FAM3C: variants seen among roughly 807,000 people sequenced by gnomAD.
FAM3C encodes FAM3 metabolism regulating signaling molecule C, also known as protein FAM3C.
A neutral mutation model predicts 32.5 loss-of-function variants in FAM3C; 15 were observed. The observed-to-expected ratio is 0.46, with a 90% CI of 0.31 to 0.71. The LOEUF (loss-of-function observed/expected upper bound fraction) is 0.71. Ranked by LOEUF, FAM3C falls within the 30% of genes least tolerant of loss-of-function variation. FAM3C has a pLI of 0.05. For missense variants in FAM3C, 175 were observed against 274.4 expected, an observed-to-expected ratio of 0.64 and a Z score of 2.56; for synonymous variants, 75 against 86.1, an observed-to-expected ratio of 0.87 and a Z score of 0.72.
chr7:121,350,610 G>T, intron 9 of FAM3C, 60 bp from the exon 10 acceptor site: 1 of 1,544,188 alleles, frequency 6.5e-7, no homozygotes, highest in South Asian at 1.1e-5. Flanking sequence ...CTGATTTGCC[G>T]TAACATTTTA....
intron 2 of FAM3C, among the ~76,000 whole-genome samples, chr7:121,379,287 T>C (rs1390976483): frequency 6.6e-6 from 1 of 152,090 alleles, no homozygotes; most frequent in Non-Finnish European, 1.5e-5. Flanking sequence ...TACCTATTAG[T>C]TGCTGACAAC....
At chr7:121,382,322 A>C (rs1340664871) in intron 2 of FAM3C, among the ~76,000 whole-genome samples, 5 of 152,184 alleles carry the variant, frequency 3.3e-5, no homozygotes, top group Admixed American at 3.3e-4. Flanking sequence ...AAGTTCTTAC[A>C]CATAAACTCA....
chr7:121,353,065 A>C (rs191005948), intron 8 of FAM3C, among the ~76,000 whole-genome samples: 1 of 152,168 alleles, frequency 6.6e-6, no homozygotes, highest in African/African-American at 2.4e-5. Context: ...AAAAATTATG[A>C]ATTGATACCT....
At position 121,393,199 on chromosome 7, in the gene FAM3C, T is replaced by C. The variant is rs1480176150; in HGVS notation, c.-42+2963A>G. ...CTGGCTAGGCATAGGGGCTCATGTC[T>C]GTAATCCCAGAGCTTTGGGAGGCTG... is the stretch of plus-strand genomic sequence containing the variant. On this transcript the variant is annotated intron_variant, in intron 1 of 9. Transcript: ENST00000359943. 9.8e-5 allele frequency among the ~76,000 whole-genome samples: 15 copies of C among 152,308 alleles called. No individual in the cohort carries two copies. In the East Asian group the frequency reaches 2.9e-3, roughly 29 times the overall value.
At position 121,380,604 on chromosome 7, in the gene FAM3C, C is replaced by T. The variant is rs189747722; in HGVS notation, c.14-1590G>A. On this transcript the variant is annotated intron_variant, in intron 2 of 9. Transcript: ENST00000359943. ...AAAAAACTACCTATCAGGTACTATG[C>T]TTACTACCTGGATGATGAAATAATC... Among the ~76,000 whole-genome samples, 1,072 of 151,992 alleles carry T rather than the reference C, an allele frequency of 7.1e-3. 5 individuals carry two copies. Among genetic ancestry groups the T allele is most frequent in the South Asian group, 0.025 (119 of 4,802 alleles).
chr7:121,382,657 T>C (rs1794381783), intron 2 of FAM3C, among the ~76,000 whole-genome samples: 1 of 151,874 alleles, frequency 6.6e-6, no homozygotes, highest in South Asian at 2.1e-4. Context: ...GCATTTCCTT[T>C]GAGCATCATG....
At chr7:121,364,379 T>C in intron 5 of FAM3C, 191 bp from the exon 6 acceptor site, 1 of 485,566 alleles carries the variant, frequency 2.1e-6, no homozygotes, top group Non-Finnish European at 3.6e-6. Flanking sequence ...TAAAGCAATG[T>C]CCTTAAATAA....
intron 1 of FAM3C, among the ~76,000 whole-genome samples, chr7:121,391,709 T>A (rs1247873764): frequency 6.6e-6 from 1 of 152,190 alleles, no homozygotes; most frequent in African/African-American, 2.4e-5. Flanking sequence ...AATGGTTCCA[T>A]CGCCCAAGGG....
At chr7:121,383,062 C>A in intron 1 of FAM3C, 52 bp from the exon 2 acceptor site, 1 of 960,246 alleles carries the variant, frequency 1.0e-6, no homozygotes, top group South Asian at 1.5e-5. Context: ...GCAAACATTC[C>A]TCCTTAGATT....
At chr7:121,393,548 T>A (rs1242243700) in intron 1 of FAM3C, among the ~76,000 whole-genome samples, 1 of 152,092 alleles carries the variant, frequency 6.6e-6, no homozygotes, top group Non-Finnish European at 1.5e-5. Context: ...ATAGCGGATT[T>A]TCAAAATTAG....
intron 1 of FAM3C, among the ~76,000 whole-genome samples, chr7:121,384,412 G>T (rs1019531000): frequency 1.3e-5 from 2 of 152,142 alleles, no homozygotes; most frequent in African/African-American, 2.4e-5. Flanking sequence ...ATCCTCTGTT[G>T]GCTTCTGGCA....
chr7:121,362,925 G>A lies in FAM3C; in HGVS notation c.354C>T (p.Asp118=), dbSNP rs766863126. The change falls in exon 7 of 10, where the codon GAC becomes GAT. Residue 118 remains aspartate (D), a synonymous_variant. Coordinates refer to ENST00000359943, the MANE Select transcript of FAM3C (RefSeq NM_014888.3). ...LANGKTGEVL[D]TKYFDMWGGD... ...CTCCCCACATGTCAAAATATTTAGT[G>A]TCTAATACTTCTCCTGTTTTTCCTA... is the stretch of plus-strand genomic sequence containing the variant. 6.5e-7 allele frequency: 1 copy of A among 1,536,882 alleles called. No individual in the cohort carries two copies. The highest frequency in any genetic ancestry group is 1.7e-5 in the Admixed American group (1 of 57,406).
At chr7:121,385,775 A>AG (rs1794453071) in intron 1 of FAM3C, among the ~76,000 whole-genome samples, 1 of 152,152 alleles carries the variant, frequency 6.6e-6, no homozygotes, top group Non-Finnish European at 1.5e-5. Flanking sequence ...ATTTACCAGG[A>AG]GGGGGATTTC....
intron 8 of FAM3C, among the ~76,000 whole-genome samples, chr7:121,352,655 T>G (rs1335065495): frequency 6.6e-6 from 1 of 152,236 alleles, no homozygotes; most frequent in African/African-American, 2.4e-5. Context: ...TGGCTTTCCC[T>G]CCACAGTTCC....
At chr7:121,370,090 A>T (rs1292225294) in intron 5 of FAM3C, among the ~76,000 whole-genome samples, 1 of 151,968 alleles carries the variant, frequency 6.6e-6, no homozygotes, top group Non-Finnish European at 1.5e-5. Flanking sequence ...ACCAAACAAG[A>T]TAAAGAGTGG....
chr7:121,392,565 C>T lies in FAM3C; in HGVS notation c.-42+3597G>A, dbSNP rs1026024115. Among the ~76,000 whole-genome samples the T allele has an allele frequency of 1.1e-4, 16 of 152,266 alleles. No individual in the cohort carries two copies. In the East Asian group the frequency reaches 1.7e-3, roughly 17 times the overall value. On this transcript the variant is annotated intron_variant, in intron 1 of 9. Coordinates refer to ENST00000359943, the MANE Select transcript of FAM3C (RefSeq NM_014888.3). Reference sequence around the variant, plus strand: ...GGGGACGCAGAACCAAACCACACCACGTATCAACTGAACCAACTTAAAAAT... The same window carrying T: ...GGGGACGCAGAACCAAACCACACCATGTATCAACTGAACCAACTTAAAAAT...
At chr7:121,387,362 A>C (rs1381624151) in intron 1 of FAM3C, among the ~76,000 whole-genome samples, 1 of 152,162 alleles carries the variant, frequency 6.6e-6, no homozygotes, top group African/African-American at 2.4e-5. Context: ...TAACAGTCCA[A>C]CTTTTTTTGC....
chr7:121,390,435 G>T (rs948432442), intron 1 of FAM3C, among the ~76,000 whole-genome samples: 1 of 152,290 alleles, frequency 6.6e-6, no homozygotes, highest in Admixed American at 6.5e-5. Flanking sequence ...TTAAAACAAA[G>T]ATGGTAACAG....
chr7:121,387,436 A>C (rs987954327), intron 1 of FAM3C, among the ~76,000 whole-genome samples: 1 of 152,174 alleles, frequency 6.6e-6, no homozygotes, highest in Non-Finnish European at 1.5e-5. Context: ...AAGTACTACT[A>C]CAGATGTAGG....
Sources: gnomAD v4.1 joint callset for allele counts (sites outside exome capture counted in the v4.1 genomes callset) on GRCh38, gnomAD v4.1.1 for gene constraint, MANE v1.5 for transcripts, NCBI Gene and HGNC (gene_info 2026-07-23, HGNC 2026-07-21) for gene names.